The following DAB1 variants were observed in gnomAD, a reference collection of about 807,000 sequenced individuals.
The protein encoded by DAB1 is disabled homolog 1.
A neutral mutation model predicts 64.6 loss-of-function variants in DAB1; 15 were observed. That is an observed-to-expected ratio of 0.23 (90% confidence interval 0.16 to 0.36). DAB1 has a LOEUF of 0.36. Ranked by LOEUF, DAB1 falls within the 10% of genes least tolerant of loss-of-function variation. The pLI is 1.00. For missense variants in DAB1, 596 were observed against 706.7 expected, an observed-to-expected ratio of 0.84 and a Z score of 1.78; for synonymous variants, 235 against 251.9, an observed-to-expected ratio of 0.93 and a Z score of 0.64.
chr1:57,630,960 T>A (rs533158823), intron 7 of DAB1, among the ~76,000 whole-genome samples: 1 of 152,278 alleles, frequency 6.6e-6, no homozygotes, highest in African/African-American at 2.4e-5. Context: ...AAAGCTCCTG[T>A]TGAAAGAATA....
At position 58,019,551 on chromosome 1, in the gene DAB1, T is replaced by C. The variant is rs1286041663; in HGVS notation, n.387+130960A>G. Among the ~76,000 whole-genome samples, 4 of 152,322 alleles carry C rather than the reference T, an allele frequency of 2.6e-5. No homozygotes were observed. In the East Asian group the frequency reaches 5.8e-4, roughly 22 times the overall value. On this transcript the variant is annotated intron_variant and non_coding_transcript_variant, in intron 5 of 20. Coordinates refer to the DAB1 transcript ENST00000485760. Reference sequence around the variant, plus strand: ...CACTATCCTAGAGATGTTTCTTATGTTATCCTATTTCACATTTCTAACTGC... The same window carrying C: ...CACTATCCTAGAGATGTTTCTTATGCTATCCTATTTCACATTTCTAACTGC...
intron 6 of DAB1, among the ~76,000 whole-genome samples, chr1:57,748,346 C>G (rs551300159): frequency 6.6e-6 from 1 of 152,198 alleles, no homozygotes; most frequent in Admixed American, 6.5e-5. Context: ...CACTTGGGAG[C>G]ATGAGATCTT....
chr1:57,188,750 C>A (rs1017909696), intron 2 of DAB1, among the ~76,000 whole-genome samples: 29 of 152,276 alleles, frequency 1.9e-4, no homozygotes, highest in African/African-American at 6.0e-4. Context: ...GAGAAAGAAA[C>A]CTGGGTCTTG....
chr1:57,157,972 G>C (rs1342722910), intron 2 of DAB1, among the ~76,000 whole-genome samples: 1 of 152,194 alleles, frequency 6.6e-6, no homozygotes, highest in Non-Finnish European at 1.5e-5. Flanking sequence ...CGCTGCTAAG[G>C]AGGGCGTAGC....
At chr1:57,183,003 T>C (rs1166656112) in intron 2 of DAB1, among the ~76,000 whole-genome samples, 3 of 152,166 alleles carry the variant, frequency 2.0e-5, no homozygotes, top group African/African-American at 2.4e-5. Context: ...GCTGCCACAC[T>C]GGATAGCACT....
chr1:58,175,808 T>C (rs928657454), intron 4 of DAB1, among the ~76,000 whole-genome samples: 1 of 152,196 alleles, frequency 6.6e-6, no homozygotes, highest in African/African-American at 2.4e-5. Context: ...GTTCTTCTGG[T>C]TCCAAAGTCT....
chr1:57,176,882 G>A (rs1013324368), intron 2 of DAB1, among the ~76,000 whole-genome samples: 14 of 135,930 alleles, frequency 1.0e-4, no homozygotes, highest in African/African-American at 3.1e-4. Context: ...GAGAATAGCA[G>A]AAAATGCCAC....
intron 1 of DAB1, among the ~76,000 whole-genome samples, chr1:57,400,313 C>T (rs1194753029): frequency 6.6e-6 from 1 of 152,144 alleles, no homozygotes; most frequent in Non-Finnish European, 1.5e-5. Context: ...AAGGTTCAGT[C>T]TATGAAGTTG....
intron 6 of DAB1, among the ~76,000 whole-genome samples, chr1:57,705,389 C>G (rs1646955190): frequency 6.6e-6 from 1 of 152,082 alleles, no homozygotes; most frequent in East Asian, 1.9e-4. Context: ...TGTATTTTAA[C>G]AGAGTTTAGT....
At chr1:57,131,758 G>C (rs889583324) in intron 4 of DAB1, among the ~76,000 whole-genome samples, 1 of 152,100 alleles carries the variant, frequency 6.6e-6, no homozygotes, top group Non-Finnish European at 1.5e-5. Flanking sequence ...TATCTATTTT[G>C]AGGGACAATA....
intron 5 of DAB1, among the ~76,000 whole-genome samples, chr1:58,052,594 T>C (rs990614919): frequency 4.6e-5 from 7 of 152,218 alleles, no homozygotes; most frequent in Admixed American, 6.5e-5. Flanking sequence ...AAGTCATTGG[T>C]AGCTTGATGG....
chr1:57,271,216 G>A (rs1054299331), intron 2 of DAB1, among the ~76,000 whole-genome samples: 6 of 152,134 alleles, frequency 3.9e-5, no homozygotes, highest in African/African-American at 7.2e-5. Flanking sequence ...AACACATAGG[G>A]TGCCGGATGG....
intron 4 of DAB1, among the ~76,000 whole-genome samples, chr1:58,341,594 T>C (rs894514597): frequency 1.3e-5 from 2 of 152,224 alleles, no homozygotes; most frequent in African/African-American, 4.8e-5. Context: ...CTGAGTAACT[T>C]ACCTGAGATC....
At chr1:58,516,214 C>A (rs1307161486) in intron 2 of DAB1, among the ~76,000 whole-genome samples, 2 of 152,148 alleles carry the variant, frequency 1.3e-5, no homozygotes, top group Non-Finnish European at 2.9e-5. Context: ...ACCATGTCAT[C>A]CTAGAAGGCT....
At chr1:57,952,033 T>C (rs1444022712) in intron 5 of DAB1, among the ~76,000 whole-genome samples, 1 of 152,186 alleles carries the variant, frequency 6.6e-6, no homozygotes, top group African/African-American at 2.4e-5. Context: ...CCATTCATTC[T>C]TTCTTCCTTT....
chr1:57,477,931 C>T (rs1483752646), intron 7 of DAB1, among the ~76,000 whole-genome samples: 1 of 151,836 alleles, frequency 6.6e-6, no homozygotes, highest in East Asian at 1.9e-4. Flanking sequence ...ACTTTAAGTT[C>T]TAGGGTACCT....
intron 7 of DAB1, among the ~76,000 whole-genome samples, chr1:57,489,011 A>T (rs1041462954): frequency 6.6e-6 from 1 of 152,232 alleles, no homozygotes; most frequent in East Asian, 1.9e-4. Context: ...ACATCGATGG[A>T]AGACCCACAT....
At chr1:57,189,444 A>G (rs1663918706) in intron 2 of DAB1, among the ~76,000 whole-genome samples, 1 of 152,256 alleles carries the variant, frequency 6.6e-6, no homozygotes, top group Admixed American at 6.5e-5. Flanking sequence ...TAATCCAAAA[A>G]TAATTAGTGG....
intron 6 of DAB1, among the ~76,000 whole-genome samples, chr1:57,663,188 G>C (rs1221556625): frequency 1.3e-5 from 2 of 152,162 alleles, no homozygotes; most frequent in Non-Finnish European, 1.5e-5. Context: ...GAAGAAGGAA[G>C]AGAGAGAAGG....
Sources: gnomAD v4.1 joint callset for allele counts (sites outside exome capture counted in the v4.1 genomes callset) on GRCh38, gnomAD v4.1.1 for gene constraint, MANE v1.5 for transcripts, NCBI Gene and HGNC (gene_info 2026-07-23, HGNC 2026-07-21) for gene names.